The following MDM4 variants were observed in gnomAD, a reference collection of about 807,000 sequenced individuals.
The protein encoded by MDM4 is MDM4 regulator of p53.
MDM4 carries 2 observed loss-of-function variants against 60.2 expected under a neutral mutation model. That is an observed-to-expected ratio of 0.03 (90% CI 0.01 to 0.10). The LOEUF (loss-of-function observed/expected upper bound fraction) is 0.10, where lower values mean the gene tolerates loss of function less well. Among genes scored for constraint, MDM4 ranks in the 10% least tolerant of loss-of-function variants. MDM4 has a pLI of 1.00. For missense variants in MDM4, 447 were observed against 577.5 expected, an observed-to-expected ratio of 0.77 and a Z score of 2.32; for synonymous variants, 202 against 198.1, an observed-to-expected ratio of 1.02 and a Z score of -0.17.
chr1:204,534,094 A>G, intron 5 of MDM4, among the ~76,000 whole-genome samples: 1 of 152,082 alleles, frequency 6.6e-6, no homozygotes, highest in South Asian at 2.1e-4. Flanking sequence ...ACCTAAATCA[A>G]TTACTAATAA....
chr1:204,532,912 C>A, intron 5 of MDM4: 1 of 1,457,322 alleles, frequency 6.9e-7, no homozygotes, highest in Non-Finnish European at 9.4e-7. Flanking sequence ...AAATTTTTTG[C>A]CAAGAAAGCT....
At chr1:204,539,539 GT>G (rs1027772704) in intron 7 of MDM4, among the ~76,000 whole-genome samples, 73 of 110,748 alleles carry the variant, frequency 6.6e-4, no homozygotes, top group Admixed American at 1.1e-3. Context: ...GTTTTGTTTT[GT>G]TTTTTTTTTT....
intron 3 of MDM4, chr1:204,529,450 C>T: frequency 7.3e-6 from 11 of 1,515,748 alleles, no homozygotes; most frequent in Non-Finnish European, 5.4e-6. Context: ...GCTGTACCAT[C>T]ATTTGGTCCT....
At position 204,529,323 on chromosome 1, in the gene MDM4, G is replaced by T. The variant is rs752631488; in HGVS notation, c.154-1361G>T. On this transcript the variant is annotated intron_variant, in intron 3 of 10. Coordinates refer to ENST00000367182, the MANE Select transcript of MDM4 (RefSeq NM_002393.5). ...TAAAGCCACTGTGATCAGAGTCACC[G>T]ACTGGAACCAGGAGTAGGCCTCATC... 119 of 781,090 alleles carry T rather than the reference G, an allele frequency of 1.5e-4. 1 individual carries two copies. In the East Asian group the frequency reaches 2.9e-3, roughly 19 times the overall value. The allele number at this position is 781,090 out of a possible 1,614,324, so 48.4% of individuals were successfully genotyped here. A position where few individuals can be genotyped will look rare whatever the true frequency, so the allele number is the denominator to read the frequency against.
chr1:204,541,736 A>G (rs1662106166), intron 7 of MDM4, among the ~76,000 whole-genome samples: 1 of 152,224 alleles, frequency 6.6e-6, no homozygotes, highest in Admixed American at 6.5e-5. Context: ...TCAATAATGA[A>G]TAAGTGGAAA....
In MDM4 at chr1:204,549,451, A is replaced by G. The variant is rs1400447812; in HGVS notation, c.1242A>G (p.Leu414=). 2 of 1,611,922 alleles carry G rather than the reference A, an allele frequency of 1.2e-6. No homozygotes were observed. The highest frequency in any genetic ancestry group is 2.2e-5 in the South Asian group (2 of 90,670). ...QETISSMGEQ[L]DNLSEQRTDT... is the part of the protein sequence containing the mutation. ...CCATCTCAAGCATGGGAGAACAGTT[A>G]GATAACCTTTCTGAACAGAGAACAG... is the stretch of plus-strand genomic sequence containing the variant. The change falls in exon 11 of 11, where the codon TTA becomes TTG. Residue 414 remains leucine, a synonymous_variant. Transcript: ENST00000367182.
Position 204,556,945 on chromosome 1 carries a change from C to G in MDM4, c.*7263C>G, listed in dbSNP as rs1663574993. 1 of 208,606 alleles carries G rather than the reference C, an allele frequency of 4.8e-6. No individual in the cohort carries two copies. The highest frequency in any genetic ancestry group is 9.7e-6 in the Non-Finnish European group (1 of 102,592). The allele number at this position is 208,606 out of a possible 1,614,324, so 12.9% of individuals were successfully genotyped here. A position where few individuals can be genotyped will look rare whatever the true frequency, so the allele number is the denominator to read the frequency against. On this transcript the variant is annotated 3_prime_UTR_variant, in exon 11 of 11. Coordinates refer to ENST00000367182, the MANE Select transcript of MDM4 (RefSeq NM_002393.5). ...TCTCTAGCTATGCACTATTAAGTGC[C>G]TCTTGGGTAGAGGTAGAGTTAAGTA...
At chr1:204,548,500 T>G (rs1322491751) in intron 10 of MDM4, among the ~76,000 whole-genome samples, 1 of 152,242 alleles carries the variant, frequency 6.6e-6, no homozygotes, top group Admixed American at 6.5e-5. Flanking sequence ...TTAAAATTCA[T>G]TGAGATCTAG....
At chr1:204,530,971 C>T (rs1328228206) in intron 4 of MDM4, among the ~76,000 whole-genome samples, 154 bp downstream of exon 4, 3 of 152,116 alleles carry the variant, frequency 2.0e-5, no homozygotes, top group African/African-American at 4.8e-5. Flanking sequence ...TGGTAATGAG[C>T]GACACACAGT....
intron 7 of MDM4, 93 bp downstream of exon 7, chr1:204,538,401 A>C: frequency 1.4e-6 from 1 of 705,052 alleles, no homozygotes; most frequent in South Asian, 1.7e-5. Context: ...TAGGAGAGGG[A>C]TATGTCACAA....
chr1:204,530,499 A>T (rs557682912), intron 3 of MDM4, among the ~76,000 whole-genome samples, 185 bp from the exon 4 acceptor site: 1 of 152,200 alleles, frequency 6.6e-6, no homozygotes, highest in East Asian at 1.9e-4. Context: ...CAGAAAGACA[A>T]TGAGTAGATG....
At chr1:204,539,015 G>A (rs561468551) in intron 7 of MDM4, among the ~76,000 whole-genome samples, 2 of 152,004 alleles carry the variant, frequency 1.3e-5, no homozygotes, top group Non-Finnish European at 2.9e-5. Flanking sequence ...GATTACAGGC[G>A]CACGCCACCA....
At chr1:204,520,277 C>CA (rs35340106) in intron 1 of MDM4, among the ~76,000 whole-genome samples, 7,740 of 64,536 alleles carry the variant, frequency 0.12, 509 homozygotes, top group African/African-American at 0.21. Context: ...GACTCCATCT[C>CA]AAAAAAAAAA....
At chr1:204,542,994 A>G (rs780007787) in intron 8 of MDM4, 50 bp downstream of exon 8, 17 of 1,469,094 alleles carry the variant, frequency 1.2e-5, no homozygotes, top group East Asian at 2.3e-5. Context: ...TGAAAGGGTA[A>G]CATTCTTGGT....
At chr1:204,541,998 A>G (rs1662138838) in intron 7 of MDM4, among the ~76,000 whole-genome samples, 1 of 152,240 alleles carries the variant, frequency 6.6e-6, no homozygotes, top group African/African-American at 2.4e-5. Context: ...AGTATGGGAA[A>G]GAAAAGAGTA....
intron 3 of MDM4, among the ~76,000 whole-genome samples, chr1:204,527,263 A>G (rs1348818944): frequency 6.6e-6 from 1 of 152,118 alleles, no homozygotes; most frequent in Non-Finnish European, 1.5e-5. Flanking sequence ...GGTGCACTCC[A>G]GCTTGGTTGA....
At chr1:204,531,512 T>TCTGAGCTC (rs1660851326) in intron 4 of MDM4, among the ~76,000 whole-genome samples, 1 of 152,200 alleles carries the variant, frequency 6.6e-6, no homozygotes, top group Admixed American at 6.5e-5. Flanking sequence ...GACTGCTGCT[T>TCTGAGCTC]CTGAGCTCAT....
intron 3 of MDM4, among the ~76,000 whole-genome samples, chr1:204,527,669 ACT>A (rs1436671201): frequency 5.1e-5 from 7 of 136,208 alleles, no homozygotes; most frequent in African/African-American, 1.7e-4. Context: ...AGTGTCAGAC[ACT>A]CTTCTGAGCA....
At chr1:204,545,691 AC>A (rs1193371442) in intron 9 of MDM4, among the ~76,000 whole-genome samples, 1 of 152,188 alleles carries the variant, frequency 6.6e-6, no homozygotes, top group Non-Finnish European at 1.5e-5. Context: ...ACATTTGGAA[AC>A]TTTTATTTAT....
Sources: allele counts gnomAD v4.1 joint callset (sites outside exome capture counted in the v4.1 genomes callset), GRCh38; gene constraint gnomAD v4.1.1; transcripts MANE v1.5; gene names NCBI Gene and HGNC (gene_info 2026-07-23, HGNC 2026-07-21).